The following SLC9A6 variants were observed in gnomAD, a reference collection of about 807,000 sequenced individuals.
The protein encoded by SLC9A6 is sodium/hydrogen exchanger 6.
In SLC9A6, 6 loss-of-function variants were observed where a neutral mutation model predicts 45.3. That is an observed-to-expected ratio of 0.13 (90% CI 0.07 to 0.26). The LOEUF (loss-of-function observed/expected upper bound fraction) is 0.26, where lower values mean the gene tolerates loss of function less well. Among genes scored for constraint, SLC9A6 ranks in the 10% least tolerant of loss-of-function variants. The pLI, the probability that SLC9A6 is intolerant of heterozygous loss-of-function variation, is 1.00. For missense variants in SLC9A6, 278 were observed against 503.7 expected, an observed-to-expected ratio of 0.55 and a Z score of 4.29; for synonymous variants, 191 against 187.7, an observed-to-expected ratio of 1.02 and a Z score of -0.14.
At chrX:136,000,958 CTGAG>C (rs1393385896) in intron 6 of SLC9A6, among the ~76,000 whole-genome samples, 51 of 110,494 alleles carry the variant, frequency 4.6e-4, no homozygotes, top group Admixed American at 6.8e-4. Flanking sequence ...GTACTCCAGC[CTGAG>C]TGACAAAGCA....
chrX:136,016,865 C>T, intron 11 of SLC9A6, 107 bp downstream of exon 11: 1 of 448,230 alleles, frequency 2.2e-6, no homozygotes, highest in East Asian at 3.9e-5. Context: ...TACAGTTTTC[C>T]TCTGAGTAAA....
At chrX:136,012,513 A>G (rs782018957) in intron 8 of SLC9A6, among the ~76,000 whole-genome samples, 7 of 113,022 alleles carry the variant, frequency 6.2e-5, no homozygotes, top group Non-Finnish European at 1.1e-4. Context: ...AATGCTCTAT[A>G]TCATAGAAGT....
Position 136,044,564 on chromosome X carries a change from C to T in SLC9A6, c.1880C>T (p.Pro627Leu). The part of the protein sequence containing the change: ...VNTEPATSSA[P>L]RRFMGNSSED... The stretch of plus-strand genomic sequence containing the variant: ...ACTGAACCGGCCACATCCAGCGCCC[C>T]AAGGAGATTTATGGGAAACAGTTCT... Residue 627 changes from proline (P) to leucine (L), a missense_variant, in exon 18 of 18, where the codon CCA becomes CTA. By Grantham distance (98) the Pro-to-Leu change is moderately conservative. Coordinates refer to ENST00000630721, the MANE Select transcript of SLC9A6 (RefSeq NM_001379110.1). 2 of 1,211,321 alleles carry T rather than the reference C, an allele frequency of 1.7e-6. No homozygotes were observed. The highest frequency in any genetic ancestry group is 2.2e-6 in the Non-Finnish European group (2 of 895,270).
chrX:136,046,807 A>G lies in SLC9A6; in HGVS notation c.*2083A>G, dbSNP rs2071606870. 1 of 112,533 alleles carries G rather than the reference A, an allele frequency of 8.9e-6. No individual in the cohort carries two copies. Among genetic ancestry groups the G allele is most frequent in the Admixed American group, 9.5e-5 (1 of 10,579 alleles). 9.3% of individuals were successfully genotyped at this position (112,533 alleles called of 1,213,427 possible). ...GGAAGAAAAAACAAACTCTGCTCAG[A>G]CGCCTATGAAACACCTGAATGAACT... On this transcript the variant is annotated 3_prime_UTR_variant, in exon 18 of 18. Coordinates refer to ENST00000630721, the MANE Select transcript of SLC9A6 (RefSeq NM_001379110.1).
intron 16 of SLC9A6, among the ~76,000 whole-genome samples, chrX:136,039,459 C>T (rs1243974821): frequency 9.1e-6 from 1 of 110,396 alleles, no homozygotes; most frequent in African/African-American, 3.3e-5. Flanking sequence ...GAAATGAGGG[C>T]CTATGATAAA....
chrX:135,993,925 A>G lies in SLC9A6; in HGVS notation c.170-861A>G, dbSNP rs781849982. Among the ~76,000 whole-genome samples, 3 of 111,923 alleles carry G rather than the reference A, an allele frequency of 2.7e-5. No individual in the cohort carries two copies. The Admixed American group carries it at 2.9e-4, about 11-fold the overall frequency. On this transcript the variant is annotated intron_variant, in intron 2 of 17. Coordinates refer to ENST00000630721, the MANE Select transcript of SLC9A6 (RefSeq NM_001379110.1). ...CTATTCCATGTTTTGATTTTGAAGC[A>G]GATTTTTAAAATTAAAATCTGATCT...
intron 10 of SLC9A6, among the ~76,000 whole-genome samples, chrX:136,016,149 G>C (rs781913367): frequency 1.7e-4 from 19 of 111,375 alleles, no homozygotes; most frequent in Non-Finnish European, 2.6e-4. Context: ...GGGCAAGCTG[G>C]GAGTACGAGA....
rs1463608545 is a variant in SLC9A6, at chrX:136,046,793, C to G, written c.*2069C>G. On this transcript the variant is annotated 3_prime_UTR_variant, in exon 18 of 18. Transcript: ENST00000630721. ...ACATCTCCAAGCAAGGAAGAAAAAA[C>G]AAACTCTGCTCAGACGCCTATGAAA... 1 of 112,426 alleles carries G rather than the reference C, an allele frequency of 8.9e-6. No homozygotes were observed. The highest frequency in any genetic ancestry group is 3.2e-5 in the African/African-American group (1 of 30,796). 9.3% of individuals were successfully genotyped at this position (112,426 alleles called of 1,213,427 possible).
chrX:136,033,245 T>C (rs2071358320), intron 15 of SLC9A6, 169 bp from the exon 16 acceptor site: 2 of 311,664 alleles, frequency 6.4e-6, no homozygotes, highest in Non-Finnish European at 1.2e-5. Context: ...AACATTTCAA[T>C]TTCCTATTCC....
chrX:135,985,550 C>T, intron 1 of SLC9A6, 53 bp from the exon 2 acceptor site: 1 of 1,180,082 alleles, frequency 8.5e-7, no homozygotes, highest in Non-Finnish European at 1.1e-6. Context: ...GTGGCGTCGG[C>T]AGCAGTCCCC....
chrX:136,004,974 A>C (rs1222535335), intron 7 of SLC9A6, among the ~76,000 whole-genome samples: 2 of 112,467 alleles, frequency 1.8e-5, no homozygotes, highest in African/African-American at 3.2e-5. Flanking sequence ...CCAGCACTAC[A>C]AAGTAAAGAG....
At chrX:136,014,491 G>A (rs1267599175) in intron 10 of SLC9A6, among the ~76,000 whole-genome samples, 1 of 112,969 alleles carries the variant, frequency 8.9e-6, no homozygotes, top group Non-Finnish European at 1.9e-5. Context: ...CAGGCCGGGC[G>A]CTGTGGCTCA....
In SLC9A6 at chrX:136,044,897, A is replaced by G; in HGVS notation, c.*173A>G. The G allele has an allele frequency of 4.3e-6, 2 of 465,537 alleles. No individual in the cohort carries two copies. Among genetic ancestry groups the G allele is most frequent in the South Asian group, 6.8e-5 (2 of 29,607 alleles). 38.4% of individuals were successfully genotyped at this position (465,537 alleles called of 1,213,427 possible). A position where few individuals can be genotyped will look rare whatever the true frequency, so the allele number is the denominator to read the frequency against. On this transcript the variant is annotated 3_prime_UTR_variant, in exon 18 of 18. Coordinates refer to ENST00000630721, the MANE Select transcript of SLC9A6 (RefSeq NM_001379110.1). ...GTACACGGCAGATTGTGAACAAACT[A>G]TATTCCTTTAAGTTTTCCTGGTTGC...
intron 1 of SLC9A6, chrX:135,974,874 AAG>A: frequency 3.8e-6 from 1 of 264,390 alleles, no homozygotes; most frequent in South Asian, 3.7e-5. Context: ...GAAGAAATGA[AAG>A]AGGAAATTTT....
chrX:135,996,769 G>A (rs1200042781), intron 3 of SLC9A6, among the ~76,000 whole-genome samples: 1 of 108,360 alleles, frequency 9.2e-6, no homozygotes, highest in South Asian at 3.9e-4. Context: ...TTTTTTGTTT[G>A]TTTGTTTGTT....
upstream of SLC9A6, among the ~76,000 whole-genome samples, chrX:135,982,821 G>C (rs1337519516): frequency 1.8e-5 from 2 of 112,318 alleles, no homozygotes; most frequent in African/African-American, 6.5e-5. Context: ...CTGTGGCTGG[G>C]GGGAGAAAGA....
intron 7 of SLC9A6, among the ~76,000 whole-genome samples, chrX:136,002,778 C>A (rs782418339): frequency 1.0e-4 from 11 of 110,254 alleles, no homozygotes; most frequent in African/African-American, 3.3e-4. Flanking sequence ...CCAGGCTGGT[C>A]TTCTCCTGAC....
intron 7 of SLC9A6, among the ~76,000 whole-genome samples, chrX:136,004,448 A>C (rs1205564601): frequency 9.0e-6 from 1 of 111,083 alleles, no homozygotes; most frequent in Non-Finnish European, 1.9e-5. Flanking sequence ...CCCTTACTTC[A>C]TACCAGAACT....
intron 3 of SLC9A6, 104 bp from the exon 4 acceptor site, chrX:135,998,003 GC>G (rs1374821318): frequency 4.0e-6 from 2 of 502,116 alleles, no homozygotes; most frequent in East Asian, 3.5e-5. Flanking sequence ...TAATGTTCTT[GC>G]CTTTGACTAG....
Sources: allele counts gnomAD v4.1 joint callset (sites outside exome capture counted in the v4.1 genomes callset), GRCh38; gene constraint gnomAD v4.1.1; transcripts MANE v1.5; gene names NCBI Gene and HGNC (gene_info 2026-07-23, HGNC 2026-07-21).